Variants in TULP4 observed in about 807,000 individuals in gnomAD.
TULP4 encodes the protein tubby-related protein 4.
Under a neutral mutation model 129.0 loss-of-function variants are expected in TULP4, and 16 were observed. The observed-to-expected ratio is 0.12, with a 90% CI of 0.08 to 0.19. The LOEUF is 0.19. Among genes scored for constraint, TULP4 ranks in the 10% least tolerant of loss-of-function variants. TULP4 has a pLI of 1.00. For synonymous variants in TULP4, 998 were observed against 854.0 expected (o/e 1.17, Z -2.94); for missense variants, 1,842 against 2,059.1 (o/e 0.89, Z 2.04).
At chr6:158,500,442 C>G (rs1780418955) in intron 12 of TULP4, among the ~76,000 whole-genome samples, 1 of 152,228 alleles carries the variant, frequency 6.6e-6, no homozygotes, top group Non-Finnish European at 1.5e-5. Context: ...TTCTGTAGTT[C>G]TTTTGATGAG....
At chr6:158,478,073 C>T (rs779969468) in intron 6 of TULP4, among the ~76,000 whole-genome samples, 2 of 151,964 alleles carry the variant, frequency 1.3e-5, no homozygotes, top group Non-Finnish European at 2.9e-5. Flanking sequence ...CACATGGATA[C>T]AGGAAGGGGA....
intron 1 of TULP4, among the ~76,000 whole-genome samples, chr6:158,338,362 A>G (rs188282820): frequency 6.6e-5 from 10 of 152,306 alleles, no homozygotes; most frequent in Non-Finnish European, 1.3e-4. Flanking sequence ...ACAATCAAAA[A>G]CAGACATTTA....
intron 1 of TULP4, among the ~76,000 whole-genome samples, chr6:158,386,545 A>AT (rs921070687): frequency 3.3e-5 from 5 of 151,956 alleles, no homozygotes; most frequent in East Asian, 3.8e-4. Context: ...CTATATATCT[A>AT]TTTTTTTTAC....
chr6:158,331,774 TATATACACAC>T (rs1779897802), intron 1 of TULP4, among the ~76,000 whole-genome samples: 1 of 53,966 alleles, frequency 1.9e-5, no homozygotes, highest in Non-Finnish European at 3.8e-5. Context: ...TATACACGTA[TATATACACAC>T]ACACATACCT....
chr6:158,328,079 GGTGTGTGTGTGT>G (rs766393090), intron 1 of TULP4, among the ~76,000 whole-genome samples: 3,027 of 120,558 alleles, frequency 0.025, 45 homozygotes, highest in Non-Finnish European at 0.029. Context: ...TCTCAGAGCT[GGTGTGTGTGTGT>G]GTGTGTGTGT....
intron 6 of TULP4, among the ~76,000 whole-genome samples, 198 bp downstream of exon 6, chr6:158,461,927 T>TA (rs562823505): frequency 1.2e-3 from 184 of 152,312 alleles, no homozygotes; most frequent in African/African-American, 4.3e-3. Flanking sequence ...AATGAGCACA[T>TA]AGTGAATAAG....
chr6:158,334,076 CA>C (rs1779978505), intron 1 of TULP4, among the ~76,000 whole-genome samples: 1 of 152,172 alleles, frequency 6.6e-6, no homozygotes, highest in African/African-American at 2.4e-5. Context: ...AGTTTGTCCC[CA>C]GTGAATTGCG....
intron 1 of TULP4, among the ~76,000 whole-genome samples, chr6:158,321,738 C>T (rs1032138851): frequency 6.6e-6 from 1 of 152,194 alleles, no homozygotes; most frequent in Non-Finnish European, 1.5e-5. Flanking sequence ...CCATGCCTAG[C>T]ATAAACCTCC....
At chr6:158,341,619 A>G (rs1423586110) in intron 1 of TULP4, among the ~76,000 whole-genome samples, 2 of 151,852 alleles carry the variant, frequency 1.3e-5, no homozygotes, top group Non-Finnish European at 1.5e-5. Flanking sequence ...CTGGGGTGAG[A>G]TGGTATCCCA....
intron 1 of TULP4, among the ~76,000 whole-genome samples, chr6:158,328,079 GGTGT>G (rs766393090): frequency 0.022 from 2,639 of 120,492 alleles, 63 homozygotes; most frequent in African/African-American, 0.052. Flanking sequence ...TCTCAGAGCT[GGTGT>G]GTGTGTGTGT....
chr6:158,474,646 G>A (rs629341), intron 6 of TULP4, among the ~76,000 whole-genome samples: 90,845 of 151,950 alleles, frequency 0.6, 27,780 homozygotes, highest in African/African-American at 0.73. Context: ...ACTACCTCAC[G>A]TTATCAGGTA....
At chr6:158,298,151 G>A (rs1779067732) in intron 1 of TULP4, among the ~76,000 whole-genome samples, 1 of 152,148 alleles carries the variant, frequency 6.6e-6, no homozygotes, top group Non-Finnish European at 1.5e-5. Flanking sequence ...AGACCTTATG[G>A]TTGTCTTCCC....
At chr6:158,235,924 A>G (rs1777685441) in intron 1 of TULP4, among the ~76,000 whole-genome samples, 1 of 152,240 alleles carries the variant, frequency 6.6e-6, no homozygotes. Flanking sequence ...AACTCTTTAA[A>G]ATGAGGACCC....
chr6:158,321,949 G>A (rs555847008), intron 1 of TULP4, among the ~76,000 whole-genome samples: 2 of 152,220 alleles, frequency 1.3e-5, no homozygotes, highest in African/African-American at 2.4e-5. Context: ...CTCCCTTGCA[G>A]TTGAAAGACC....
At chr6:158,425,644 C>T (rs1437213982) in intron 2 of TULP4, among the ~76,000 whole-genome samples, 4 of 151,572 alleles carry the variant, frequency 2.6e-5, no homozygotes. Context: ...GAGTCCCACT[C>T]TGTTGCCCAG....
In TULP4 at chr6:158,425,816, A is replaced by G. The variant is rs367989134; in HGVS notation, c.382-3920A>G. 1.1e-4 allele frequency among the ~76,000 whole-genome samples: 16 copies of G among 151,888 alleles called. No homozygotes were observed. The South Asian group carries it at 3.1e-3, about 30-fold the overall frequency. On this transcript the variant is annotated intron_variant, in intron 2 of 13. Coordinates refer to ENST00000367097, the MANE Select transcript of TULP4 (RefSeq NM_020245.5). Reference sequence around the variant, plus strand: ...ATGGGAAACCCATCTCTGGTCTCGAACTCTTGAGCTCCAGGTGTCCACCCA... The same window carrying G: ...ATGGGAAACCCATCTCTGGTCTCGAGCTCTTGAGCTCCAGGTGTCCACCCA...
At chr6:158,358,793 A>G (rs1308183776) in intron 1 of TULP4, among the ~76,000 whole-genome samples, 1 of 152,240 alleles carries the variant, frequency 6.6e-6, no homozygotes. Context: ...TTTCAAAAGC[A>G]GTAACATTTG....
intron 1 of TULP4, among the ~76,000 whole-genome samples, chr6:158,320,798 T>C (rs1304356867): frequency 6.6e-6 from 1 of 152,184 alleles, no homozygotes; most frequent in African/African-American, 2.4e-5. Context: ...CGTTTTGTTA[T>C]AAGGACACGA....
intron 1 of TULP4, among the ~76,000 whole-genome samples, chr6:158,314,965 A>G (rs1779455293): frequency 6.6e-6 from 1 of 152,228 alleles, no homozygotes; most frequent in Non-Finnish European, 1.5e-5. Flanking sequence ...ATTGTGTTTT[A>G]AAGAAGAGCG....
Sources: gnomAD v4.1 joint callset for allele counts (sites outside exome capture counted in the v4.1 genomes callset) on GRCh38, gnomAD v4.1.1 for gene constraint, MANE v1.5 for transcripts, NCBI Gene and HGNC (gene_info 2026-07-23, HGNC 2026-07-21) for gene names.